C19orf44: variants seen among roughly 807,000 people sequenced by gnomAD.
C19orf44 encodes uncharacterized protein C19orf44.
Under a neutral mutation model 50.7 loss-of-function variants are expected in C19orf44, and 43 were observed. The ratio of observed to expected loss-of-function variants is 0.85; its 90% confidence interval spans 0.66 to 1.09. The LOEUF (loss-of-function observed/expected upper bound fraction) is 1.09, where lower values mean the gene tolerates loss of function less well. C19orf44 is among the 50% of genes least tolerant of loss of function. The probability of loss-of-function intolerance (pLI) is 0.00; values close to 1 mark genes in which losing one functional copy is unlikely to be tolerated. For synonymous variants in C19orf44, 298 were observed against 334.7 expected (o/e 0.89, Z 1.20); for missense variants, 722 against 836.2 (o/e 0.86, Z 1.68).
At position 16,520,756 on chromosome 19, in the gene C19orf44, G is replaced by A; in HGVS notation, c.*703G>A. The A allele has an allele frequency of 6.9e-7, 1 of 1,448,450 alleles. No homozygotes were observed. Among genetic ancestry groups the A allele is most frequent in the Non-Finnish European group, 9.7e-7 (1 of 1,034,246 alleles). The allele number at this position is 1,448,450 out of a possible 1,614,324, so 89.7% of individuals were successfully genotyped here. A position where few individuals can be genotyped will look rare whatever the true frequency, so the allele number is the denominator to read the frequency against. On this transcript the variant is annotated 3_prime_UTR_variant, in exon 9 of 9. Coordinates refer to ENST00000221671, the MANE Select transcript of C19orf44 (RefSeq NM_032207.4). The surrounding 1 kb of genome is among the most constrained non-coding windows in gnomAD (Gnocchi z 4.0). ...AGGGTGGACGTGATGAGTGTATCTGGGGTCTGCTCCCACCCATCACAAGCT... is the reference window on the plus strand; with the variant it reads ...AGGGTGGACGTGATGAGTGTATCTGAGGTCTGCTCCCACCCATCACAAGCT...
At chr19:16,500,130 T>C (rs574298930) in intron 1 of C19orf44, among the ~76,000 whole-genome samples, 2 of 152,158 alleles carry the variant, frequency 1.3e-5, no homozygotes, top group South Asian at 4.1e-4. Context: ...GGCTTTGCCA[T>C]GTTGGCCAGG....
chr19:16,497,352 CT>C lies in C19orf44; in HGVS notation c.-2+903del, dbSNP rs71180303. Among the ~76,000 whole-genome samples, 888 of 127,000 alleles carry C rather than the reference CT, an allele frequency of 7.0e-3. 14 individuals are homozygous for C. The highest frequency in any genetic ancestry group is 0.025 in the African/African-American group (836 of 33,544). 83.3% of individuals were successfully genotyped at this position (127,000 alleles called of 152,430 possible). On this transcript the variant is annotated intron_variant, in intron 1 of 8. Transcript: ENST00000221671. ...GTCTGGCTACTTTCTTTTTTCTTTC[CT>C]TTTTTTTTTTTTTTTGAGACAGATT... is the stretch of plus-strand genomic sequence containing the variant.
Position 16,513,123 on chromosome 19 carries a change from T to G in C19orf44, c.1735+14T>G, listed in dbSNP as rs1379492742. The G allele has an allele frequency of 1.2e-6, 2 of 1,612,150 alleles. No homozygotes were observed. The highest frequency in any genetic ancestry group is 2.2e-5 in the South Asian group (2 of 91,000). Reference sequence around the variant, plus strand: ...ATGCAATAGAAGGTAACAGCCCGGCTCGGGGGATCCTTCCTGTCACATTTT... The same window carrying G: ...ATGCAATAGAAGGTAACAGCCCGGCGCGGGGGATCCTTCCTGTCACATTTT... On this transcript the variant is annotated intron_variant, in intron 6 of 8. Coordinates refer to ENST00000221671, the MANE Select transcript of C19orf44 (RefSeq NM_032207.4).
intron 2 of C19orf44, 71 bp from the exon 3 acceptor site, chr19:16,502,994 A>T: frequency 6.8e-7 from 1 of 1,462,870 alleles, no homozygotes; most frequent in South Asian, 1.3e-5. Flanking sequence ...CTCAAAAAAA[A>T]AAAACAAAAA....
intron 5 of C19orf44, among the ~76,000 whole-genome samples, chr19:16,510,809 C>G (rs1280042547): frequency 6.6e-6 from 1 of 152,060 alleles, no homozygotes; most frequent in Non-Finnish European, 1.5e-5. Context: ...AATCATAGCT[C>G]ACTGCAGCCT....
intron 8 of C19orf44, chr19:16,518,887 G>GT: frequency 2.0e-6 from 1 of 492,260 alleles, no homozygotes; most frequent in Non-Finnish European, 3.6e-6. Flanking sequence ...AGGGTCTTGT[G>GT]TTTTTTGCTT....
chr19:16,514,367 G>C, intron 6 of C19orf44, 130 bp from the exon 7 acceptor site: 1 of 972,622 alleles, frequency 1.0e-6, no homozygotes, highest in South Asian at 1.7e-5. Context: ...CTGGGTGGCA[G>C]AGCGAGACCC....
chr19:16,514,173 T>C lies in C19orf44; in HGVS notation c.1736-324T>C, dbSNP rs866880271. Among the ~76,000 whole-genome samples, 83 of 151,656 alleles carry C rather than the reference T, an allele frequency of 5.5e-4. 1 individual carries two copies. Among genetic ancestry groups the C allele is most frequent in the Middle Eastern group, 3.4e-3 (1 of 294 alleles). ...TGGCTAATTTTTTTTTTTGTTTTTT[T>C]AGTAGAGATGGGGTTTCACTATGTT... On this transcript the variant is annotated intron_variant, in intron 6 of 8. Coordinates refer to ENST00000221671, the MANE Select transcript of C19orf44 (RefSeq NM_032207.4).
chr19:16,506,824 AT>A (rs749078832), intron 4 of C19orf44, 50 bp downstream of exon 4: 21,653 of 1,163,214 alleles, frequency 0.019, no homozygotes, highest in East Asian at 0.028. Flanking sequence ...TGGCTTCAAC[AT>A]TTTTTTTTTT....
intron 2 of C19orf44, among the ~76,000 whole-genome samples, chr19:16,502,465 T>G (rs1292002312): frequency 1.3e-5 from 2 of 151,590 alleles, no homozygotes; most frequent in East Asian, 3.9e-4. Context: ...CTCGATCGCT[T>G]GACCTCATGA....
rs2093451091 is a variant in C19orf44 at position 16,509,732 on chromosome 19, G to A, written c.1383G>A (p.Val461=). ...AGCCACCATCTGAAGCCCCCATGGT[G>A]AACACAGTCAGCTCAGCTTATTCGG... The part of the protein sequence containing the change: ...SMQPPSEAPM[V]NTVSSAYSED... Residue 461 remains valine, a synonymous_variant, in exon 5 of 9, where the codon GTG becomes GTA. Coordinates refer to ENST00000221671, the MANE Select transcript of C19orf44 (RefSeq NM_032207.4). 2 of 1,614,128 alleles carry A rather than the reference G, an allele frequency of 1.2e-6. No homozygotes were observed. Among genetic ancestry groups the A allele is most frequent in the Admixed American group, 1.7e-5 (1 of 60,006 alleles).
At chr19:16,497,665 GC>G (rs558261285) in intron 1 of C19orf44, among the ~76,000 whole-genome samples, 167 of 152,132 alleles carry the variant, frequency 1.1e-3, no homozygotes, top group Non-Finnish European at 2.2e-3. Flanking sequence ...CTTTCCCTTA[GC>G]GTGATGTATT....
At chr19:16,507,913 C>T (rs1426806859) in intron 4 of C19orf44, among the ~76,000 whole-genome samples, 1 of 151,182 alleles carries the variant, frequency 6.6e-6, no homozygotes, top group Non-Finnish European at 1.5e-5. Context: ...ACACCATTCT[C>T]CTGCCTCAGC....
In C19orf44 at chr19:16,501,015, A is replaced by T; in HGVS notation, c.223A>T (p.Arg75Trp). 1 of 1,614,036 alleles carries T rather than the reference A, an allele frequency of 6.2e-7. No homozygotes were observed. The highest frequency in any genetic ancestry group is 8.5e-7 in the Non-Finnish European group (1 of 1,179,956). Residue 75 changes from arginine to tryptophan, a missense_variant, in exon 2 of 9, where the codon AGG (arginine) becomes TGG (tryptophan). Physicochemically the swap from Arg to Trp is moderately radical, Grantham distance 101 (BLOSUM62 -3). Transcript: ENST00000221671. ...GAACCCTGTGCTCGGGAGTGGACCC[A>T]GGCTTGCCTCATGTAGACCGCCCAC... ...KENPVLGSGP[R>W]LASCRPPTTA... is the part of the protein sequence containing the mutation.
At chr19:16,511,326 C>A (rs1040123682) in intron 5 of C19orf44, among the ~76,000 whole-genome samples, 12 of 152,004 alleles carry the variant, frequency 7.9e-5, no homozygotes, top group African/African-American at 2.4e-4. Flanking sequence ...TGAGCCACCG[C>A]ACCTGGCCCC....
Position 16,514,661 on chromosome 19 carries a change from G to T in C19orf44, c.1900G>T (p.Glu634Ter), listed in dbSNP as rs1373977929. The T allele has an allele frequency of 2.6e-6, 4 of 1,567,724 alleles. No individual in the cohort carries two copies. In the African/African-American group the frequency reaches 5.4e-5, roughly 21 times the overall value. ...CTACCACACCCTGGAGGAAGCCAAAGAGGTGAGCGCAGCTCCCCATGGGCA... is the reference window on the plus strand; with the variant it reads ...CTACCACACCCTGGAGGAAGCCAAATAGGTGAGCGCAGCTCCCCATGGGCA... Reference protein sequence around the residue: ...FHYHTLEEAKEYIRCHRPAPL... With the variant: ...FHYHTLEEAK Residue 634 changes from glutamate (E) to a stop codon, truncating the protein, a stop_gained and splice_region_variant, in exon 7 of 9, where the codon GAG becomes TAG. Transcript: ENST00000221671. LOFTEE classifies it high-confidence loss of function.
Position 16,509,586 on chromosome 19 carries a change from G to T in C19orf44, c.1237G>T (p.Ala413Ser). 1 of 1,614,026 alleles carries T rather than the reference G, an allele frequency of 6.2e-7. No homozygotes were observed. Among genetic ancestry groups the T allele is most frequent in the South Asian group, 1.1e-5 (1 of 91,056 alleles). Residue 413 changes from alanine (A) to serine (S), a missense_variant, in exon 5 of 9, where the codon GCG (alanine) becomes TCG (serine). Transcript: ENST00000221671. Reference sequence around the variant, plus strand: ...GCAGGATGCCCCGAGGCAGGCCCAGGCGAGGAGCTGGGCATCACAGGGAAA... The same window carrying T: ...GCAGGATGCCCCGAGGCAGGCCCAGTCGAGGAGCTGGGCATCACAGGGAAA... ...TGQDAPRQAQ[A>S]RSWASQGKAA...
Position 16,519,005 on chromosome 19 carries a change from G to T in C19orf44, c.*41-1089G>T. 1 of 728,338 alleles carries T rather than the reference G, an allele frequency of 1.4e-6. No individual in the cohort carries two copies. The highest frequency in any genetic ancestry group is 2.2e-6 in the Non-Finnish European group (1 of 452,036). The allele number at this position is 728,338 out of a possible 1,614,324, so 45.1% of individuals were successfully genotyped here. On this transcript the variant is annotated intron_variant, in intron 8 of 8. Transcript: ENST00000221671. This position sits in a 1 kb window ranked among gnomAD's most constrained non-coding sequence, Gnocchi z 6.0. ...CGCCATGGAGCACGGCGTTCCCACT[G>T]GGCATGCGCTGGTCTTCCTTCTCTT... is the stretch of plus-strand genomic sequence containing the variant.
chr19:16,511,324 C>G (rs572201141), intron 5 of C19orf44, among the ~76,000 whole-genome samples: 19 of 152,000 alleles, frequency 1.3e-4, no homozygotes, highest in Non-Finnish European at 2.5e-4. Context: ...TGTGAGCCAC[C>G]GCACCTGGCC....
Sources: allele counts gnomAD v4.1 joint callset (sites outside exome capture counted in the v4.1 genomes callset), GRCh38; gene constraint gnomAD v4.1.1; non-coding constraint Gnocchi (gnomAD v3.1); transcripts MANE v1.5; gene names NCBI Gene and HGNC (gene_info 2026-07-23, HGNC 2026-07-21).